The following ADGRD1 variants were observed in gnomAD, a reference collection of about 807,000 sequenced individuals.
The protein encoded by ADGRD1 is G-protein coupled receptor 133.
Under a neutral mutation model 113.4 loss-of-function variants are expected in ADGRD1, and 77 were observed. That is an observed-to-expected ratio of 0.68 (90% CI 0.57 to 0.82). The LOEUF is 0.82. Ranked by LOEUF, ADGRD1 falls within the 40% of genes least tolerant of loss-of-function variation. ADGRD1 has a pLI of 0.00. For synonymous variants in ADGRD1, 474 were observed against 475.0 expected (o/e 1.00, Z 0.03); for missense variants, 1,036 against 1,139.1 (o/e 0.91, Z 1.30).
At position 131,067,615 on chromosome 12, in the gene ADGRD1, C is replaced by T. The variant is rs952360238; in HGVS notation, c.1474-9186C>T. ...TTCTTCTGCCTCCTATATGTCTGAT[C>T]GCTGTGCCCCTGATCCTTCTTCTGA... On this transcript the variant is annotated intron_variant, in intron 13 of 24. Coordinates refer to ENST00000261654, the MANE Select transcript of ADGRD1 (RefSeq NM_198827.5). 1.4e-5 allele frequency among the ~76,000 whole-genome samples: 2 copies of T among 139,412 alleles called. 1 individual carries two copies. Among genetic ancestry groups the T allele is most frequent in the Non-Finnish European group, 3.1e-5 (2 of 63,822 alleles). 91.5% of individuals were successfully genotyped at this position (139,412 alleles called of 152,430 possible).
intron 18 of ADGRD1, among the ~76,000 whole-genome samples, chr12:131,117,395 G>C (rs968521923): frequency 6.6e-6 from 1 of 152,216 alleles, no homozygotes; most frequent in African/African-American, 2.4e-5. Context: ...GATATGGCTT[G>C]ATCCATGAGC....
In ADGRD1 at chr12:131,003,991, C is replaced by T. The variant is rs1251920498; in HGVS notation, c.1145-195C>T. Among the ~76,000 whole-genome samples, 1 of 149,384 alleles carries T rather than the reference C, an allele frequency of 6.7e-6. No individual in the cohort carries two copies. The highest frequency in any genetic ancestry group is 2.5e-5 in the African/African-American group (1 of 40,694). On this transcript the variant is annotated intron_variant, in intron 10 of 24. Coordinates refer to ENST00000261654, the MANE Select transcript of ADGRD1 (RefSeq NM_198827.5). The surrounding 1 kb of genome is among the most constrained non-coding windows in gnomAD (Gnocchi z 4.8). ...GCCGGAATGCTGAGCCTCCCCGTGGCAGTCACTGCCTGGGCTCTTCATTGC... is the reference window on the plus strand; with the variant it reads ...GCCGGAATGCTGAGCCTCCCCGTGGTAGTCACTGCCTGGGCTCTTCATTGC...
chr12:131,009,765 G>T (rs1877633456), intron 12 of ADGRD1, among the ~76,000 whole-genome samples: 2 of 152,182 alleles, frequency 1.3e-5, no homozygotes. Context: ...GCGCGTGTGT[G>T]CATTTGTGTG....
intron 15 of ADGRD1, among the ~76,000 whole-genome samples, chr12:131,090,620 C>G (rs556263771): frequency 2.0e-5 from 3 of 152,288 alleles, no homozygotes; most frequent in Admixed American, 1.3e-4. Context: ...GGGCTGCTGT[C>G]CAGGGGAGGG....
Position 130,966,480 on chromosome 12 carries a change from T to C in ADGRD1, c.121T>C (p.Ser41Pro), listed in dbSNP as rs776232203. 2.5e-6 allele frequency: 4 copies of C among 1,609,074 alleles called. No individual in the cohort carries two copies. In the South Asian group the frequency reaches 4.4e-5, roughly 18 times the overall value. Residue 41 changes from serine to proline, a missense_variant, in exon 3 of 25, where the codon TCT becomes CCT. Physicochemically the swap from Ser to Pro is moderately conservative, Grantham distance 74. Transcript: ENST00000261654. This position sits in a 1 kb window ranked among gnomAD's most constrained non-coding sequence, Gnocchi z 4.6. ...QDHPGFQVLASASHYWPLENV... is the reference protein window; with the variant it reads ...QDHPGFQVLAPASHYWPLENV... ...TCCCCAAGGATTTCAGGTGTTGGCGTCTGCTTCCCATTACTGGCCACTGGA... is the reference window on the plus strand; with the variant it reads ...TCCCCAAGGATTTCAGGTGTTGGCGCCTGCTTCCCATTACTGGCCACTGGA...
At chr12:130,996,111 C>T (rs1875286435) in intron 8 of ADGRD1, among the ~76,000 whole-genome samples, 1 of 152,208 alleles carries the variant, frequency 6.6e-6, no homozygotes, top group South Asian at 2.1e-4. Flanking sequence ...CATAGATCAA[C>T]AGGATCCCAA....
intron 23 of ADGRD1, 24 bp from the exon 24 acceptor site, chr12:131,138,113 C>G: frequency 6.2e-7 from 1 of 1,606,906 alleles, no homozygotes; most frequent in African/African-American, 1.3e-5. Context: ...AAATTGCTCT[C>G]ACGATCCCTT....
chr12:130,983,705 G>A (rs1293951633), intron 5 of ADGRD1, among the ~76,000 whole-genome samples: 1 of 152,202 alleles, frequency 6.6e-6, no homozygotes, highest in African/African-American at 2.4e-5. Flanking sequence ...TAGGGTCCAA[G>A]CGTGCTCCAG....
intron 13 of ADGRD1, among the ~76,000 whole-genome samples, chr12:131,068,806 C>A (rs898082667): frequency 1.3e-5 from 2 of 152,228 alleles, no homozygotes; most frequent in Non-Finnish European, 2.9e-5. Context: ...AAAAAAGAAA[C>A]AACCTTTAAA....
chr12:131,107,296 T>C (rs867407722), intron 17 of ADGRD1, among the ~76,000 whole-genome samples: 2 of 146,032 alleles, frequency 1.4e-5, no homozygotes, highest in Non-Finnish European at 1.5e-5. Context: ...TGTGTCTGAA[T>C]CCCAGCGAAG....
In ADGRD1 at chr12:130,982,137, G is replaced by A; in HGVS notation, c.490+74G>A. 5 of 1,289,358 alleles carry A rather than the reference G, an allele frequency of 3.9e-6. No homozygotes were observed. In the South Asian group the frequency reaches 6.9e-5, roughly 18 times the overall value. 79.9% of individuals were successfully genotyped at this position (1,289,358 alleles called of 1,614,324 possible). A position where few individuals can be genotyped will look rare whatever the true frequency, so the allele number is the denominator to read the frequency against. On this transcript the variant is annotated intron_variant, in intron 5 of 24. Coordinates refer to ENST00000261654, the MANE Select transcript of ADGRD1 (RefSeq NM_198827.5). The stretch of plus-strand genomic sequence containing the variant: ...CTTCTCTGAGAATGGACGCTGAGAA[G>A]CCCAACGCAGCCCAAGGAGCCCAGG...
At chr12:131,066,971 G>A (rs577462662) in intron 13 of ADGRD1, among the ~76,000 whole-genome samples, 44 of 152,332 alleles carry the variant, frequency 2.9e-4, no homozygotes, top group Non-Finnish European at 5.3e-4. Flanking sequence ...GAGGGACGAA[G>A]CGATGGACTT....
intron 20 of ADGRD1, among the ~76,000 whole-genome samples, chr12:131,130,018 C>A (rs1276208601): frequency 6.6e-6 from 1 of 152,264 alleles, no homozygotes; most frequent in Non-Finnish European, 1.5e-5. Context: ...ACGCGTTTGT[C>A]ACTGTCCTAG....
chr12:131,025,374 G>A (rs1395933600), intron 13 of ADGRD1, among the ~76,000 whole-genome samples: 6 of 152,122 alleles, frequency 3.9e-5, no homozygotes, highest in African/African-American at 1.2e-4. Flanking sequence ...CTGATGGGAA[G>A]ATTTCCCCTG....
chr12:130,981,777 G>A (rs1593291262), intron 4 of ADGRD1, 107 bp from the exon 5 acceptor site: 1 of 751,830 alleles, frequency 1.3e-6, no homozygotes, highest in South Asian at 1.9e-5. Flanking sequence ...TTAGAATGGG[G>A]ACAAAATGCT....
Position 130,981,985 on chromosome 12 carries a change from T to C in ADGRD1, c.412T>C (p.Ser138Pro). The C allele has an allele frequency of 6.2e-7, 1 of 1,613,760 alleles. No homozygotes were observed. The highest frequency in any genetic ancestry group is 8.5e-7 in the Non-Finnish European group (1 of 1,179,688). Residue 138 changes from serine to proline, a missense_variant, in exon 5 of 25, where the codon TCC (serine) becomes CCC (proline). Ser to Pro is a moderately conservative substitution (Grantham distance 74). Transcript: ENST00000261654. ...QVISNGFKVC[S>P]SGGRGSVELY... ...CATCTCCAATGGGTTCAAAGTCTGC[T>C]CCAGCGGTGGCAGAGGCTCTGTGGA...
intron 13 of ADGRD1, among the ~76,000 whole-genome samples, chr12:131,018,338 G>A (rs1001784663): frequency 6.6e-6 from 1 of 152,144 alleles, no homozygotes; most frequent in Non-Finnish European, 1.5e-5. Context: ...CGGGATGAGG[G>A]GCATCGGCTC....
chr12:131,117,335 G>A lies in ADGRD1; in HGVS notation c.2042-1050G>A, dbSNP rs550881693. On this transcript the variant is annotated intron_variant, in intron 18 of 24. Coordinates refer to ENST00000261654, the MANE Select transcript of ADGRD1 (RefSeq NM_198827.5). ...CAACTTGAACTGGCTAAGGCAAAAA[G>A]GGAATGTGATGGCTCATATAACAAA... Among the ~76,000 whole-genome samples the A allele has an allele frequency of 3.9e-5, 6 of 152,318 alleles. No individual in the cohort carries two copies. In the South Asian group the frequency reaches 1.2e-3, roughly 32 times the overall value.
intron 13 of ADGRD1, among the ~76,000 whole-genome samples, chr12:131,017,170 G>A (rs954164683): frequency 6.6e-6 from 1 of 152,032 alleles, no homozygotes. Context: ...CAGCCAGTGA[G>A]GTTACACAGC....
Sources: gnomAD v4.1 joint callset for allele counts (sites outside exome capture counted in the v4.1 genomes callset) on GRCh38, gnomAD v4.1.1 for gene constraint, Gnocchi (gnomAD v3.1) non-coding constraint, MANE v1.5 for transcripts, NCBI Gene and HGNC (gene_info 2026-07-23, HGNC 2026-07-21) for gene names.